Variants in CYB5D2 observed in about 807,000 individuals in gnomAD.
CYB5D2 encodes cytochrome b5 domain containing 2.
Under a neutral mutation model 22.8 loss-of-function variants are expected in CYB5D2, and 23 were observed. The ratio of observed to expected loss-of-function variants is 1.01; its 90% CI spans 0.73 to 1.43. CYB5D2 has a LOEUF of 1.43. Among genes scored for constraint, CYB5D2 ranks in the 40% most tolerant of loss-of-function variants. The pLI, the probability that CYB5D2 is intolerant of heterozygous loss-of-function variation, is 0.00. For synonymous variants in CYB5D2, 170 were observed against 152.2 expected (o/e 1.12, Z -0.86); for missense variants, 373 against 357.2 (o/e 1.04, Z -0.36).
At position 4,156,937 on chromosome 17, in the gene CYB5D2, G is replaced by T; in HGVS notation, c.650G>T (p.Cys217Phe). 1.2e-6 allele frequency: 2 copies of T among 1,612,838 alleles called. No individual in the cohort carries two copies. Among genetic ancestry groups the T allele is most frequent in the Non-Finnish European group, 1.7e-6 (2 of 1,180,020 alleles). Residue 217 changes from cysteine to phenylalanine, a missense_variant, in exon 4 of 4, where the codon TGC (cysteine) becomes TTC (phenylalanine). Physicochemically the swap from Cys to Phe is radical, Grantham distance 205 (BLOSUM62 -2). Coordinates refer to ENST00000301391, the MANE Select transcript of CYB5D2 (RefSeq NM_144611.4). ...LYKPGAKEPR[C>F]VCVRTTGPPS... ...AAGCCAGGTGCTAAGGAGCCCCGCTGCGTGTGTGTGAGAACCACCGGCCCC... is the reference window on the plus strand; with the variant it reads ...AAGCCAGGTGCTAAGGAGCCCCGCTTCGTGTGTGTGAGAACCACCGGCCCC...
At chr17:4,154,884 C>T (rs2059098049) in intron 3 of CYB5D2, 24 bp downstream of exon 3, 1 of 1,554,868 alleles carries the variant, frequency 6.4e-7, no homozygotes, top group African/African-American at 1.4e-5. Flanking sequence ...CCTTCTTCTC[C>T]TTTCTGCCTG....
At chr17:4,152,534 A>G (rs11078484) in intron 2 of CYB5D2, among the ~76,000 whole-genome samples, 13,303 of 152,256 alleles carry the variant, frequency 0.087, 813 homozygotes, top group Non-Finnish European at 0.13. Context: ...CACCATTCTC[A>G]TGACACAGAT....
At chr17:4,146,720 A>T (rs569164415) in intron 1 of CYB5D2, among the ~76,000 whole-genome samples, 1 of 151,632 alleles carries the variant, frequency 6.6e-6, no homozygotes, top group South Asian at 2.1e-4. Context: ...TATAGCCAGA[A>T]ATTTGTAAAA....
chr17:4,150,262 C>T lies in CYB5D2; in HGVS notation c.391+231C>T, dbSNP rs552210781. Among the ~76,000 whole-genome samples, 5 of 152,272 alleles carry T rather than the reference C, an allele frequency of 3.3e-5. No individual in the cohort carries two copies. In the East Asian group the frequency reaches 5.8e-4, roughly 18 times the overall value. ...AGGATTACTAAGCTGCTTGCTTTGG[C>T]CTCAGTTTCGCCATAGCCAGTGGTT... is the stretch of plus-strand genomic sequence containing the variant. On this transcript the variant is annotated intron_variant, in intron 2 of 3. Transcript: ENST00000301391.
intron 3 of CYB5D2, among the ~76,000 whole-genome samples, chr17:4,155,696 C>G (rs1448727073): frequency 6.6e-6 from 1 of 152,170 alleles, no homozygotes; most frequent in African/African-American, 2.4e-5. Flanking sequence ...TCAGAGAGCA[C>G]TGGTCTCTGA....
rs200917889 is a variant in CYB5D2 at position 4,157,002 on chromosome 17, C to T, written c.715C>T (p.Arg239Cys). Reference protein sequence around the residue: ...QMPDNPPHRNRGDLDHPNLAE... With the variant: ...QMPDNPPHRNCGDLDHPNLAE... ...GCCGGACAACCCTCCACACAGAAATCGTGGGGACCTGGACCACCCAAACTT... is the reference window on the plus strand; with the variant it reads ...GCCGGACAACCCTCCACACAGAAATTGTGGGGACCTGGACCACCCAAACTT... The change falls in exon 4 of 4, where the codon CGT (arginine) becomes TGT (cysteine). Residue 239 changes from arginine to cysteine, a missense_variant. By Grantham distance (180) the Arg-to-Cys change is radical. Coordinates refer to ENST00000301391, the MANE Select transcript of CYB5D2 (RefSeq NM_144611.4). The surrounding 1 kb of genome is among the most constrained non-coding windows in gnomAD (Gnocchi z 4.4). The T allele has an allele frequency of 7.4e-6, 12 of 1,612,858 alleles. No individual in the cohort carries two copies. The East Asian group carries it at 1.8e-4, about 24-fold the overall frequency.
chr17:4,147,249 C>T (rs562798758), intron 1 of CYB5D2, among the ~76,000 whole-genome samples: 12 of 151,922 alleles, frequency 7.9e-5, no homozygotes, highest in Non-Finnish European at 1.8e-4. Flanking sequence ...CCAGCCTGGG[C>T]GATACAGCGA....
At position 4,143,214 on chromosome 17, in the gene CYB5D2, T is replaced by G; in HGVS notation, c.-542T>G. ...CCGCTGCCGCCATCTTTGTTGGGGCTGACAACCTGCAAGCCAAGAAGTACG... is the reference window on the plus strand; with the variant it reads ...CCGCTGCCGCCATCTTTGTTGGGGCGGACAACCTGCAAGCCAAGAAGTACG... On this transcript the variant is annotated 5_prime_UTR_variant, in exon 1 of 4. Coordinates refer to ENST00000301391, the MANE Select transcript of CYB5D2 (RefSeq NM_144611.4). 1 of 286,762 alleles carries G rather than the reference T, an allele frequency of 3.5e-6. No homozygotes were observed. Among genetic ancestry groups the G allele is most frequent in the Non-Finnish European group, 6.3e-6 (1 of 159,676 alleles). The allele number at this position is 286,762 out of a possible 1,614,324, so 17.8% of individuals were successfully genotyped here. A position where few individuals can be genotyped will look rare whatever the true frequency, so the allele number is the denominator to read the frequency against.
intron 1 of CYB5D2, among the ~76,000 whole-genome samples, chr17:4,148,287 C>T (rs115614843): frequency 1.6e-3 from 231 of 143,808 alleles, no homozygotes; most frequent in African/African-American, 4.4e-3. Context: ...GAGGGCAGGG[C>T]GGGAACGTTA....
At position 4,143,626 on chromosome 17, in the gene CYB5D2, C is replaced by G. The variant is rs1419242716; in HGVS notation, c.-130C>G. ...AAACGAGAGAGACTAAGGGAGGGAG[C>G]GCGAGCACTAGCGCGCGAGAGAGAG... On this transcript the variant is annotated 5_prime_UTR_variant, in exon 1 of 4. Coordinates refer to ENST00000301391, the MANE Select transcript of CYB5D2 (RefSeq NM_144611.4). 1 of 1,320,828 alleles carries G rather than the reference C, an allele frequency of 7.6e-7. No individual in the cohort carries two copies. Among genetic ancestry groups the G allele is most frequent in the Non-Finnish European group, 1.0e-6 (1 of 965,604 alleles). The allele number at this position is 1,320,828 out of a possible 1,614,324, so 81.8% of individuals were successfully genotyped here.
At chr17:4,145,095 C>CT (rs764340352) in intron 1 of CYB5D2, among the ~76,000 whole-genome samples, 9 of 152,062 alleles carry the variant, frequency 5.9e-5, no homozygotes, top group African/African-American at 1.4e-4. Context: ...CAGCCTAGTG[C>CT]TTTTTTACAG....
chr17:4,149,396 A>T (rs1329300927), intron 1 of CYB5D2, among the ~76,000 whole-genome samples: 1 of 152,160 alleles, frequency 6.6e-6, no homozygotes, highest in Non-Finnish European at 1.5e-5. Flanking sequence ...AAAGAATATG[A>T]CCAATGCCAA....
intron 3 of CYB5D2, among the ~76,000 whole-genome samples, chr17:4,155,571 C>G (rs1430372875): frequency 6.6e-6 from 1 of 152,244 alleles, no homozygotes; most frequent in Non-Finnish European, 1.5e-5. Flanking sequence ...GAGACAGCTT[C>G]TCCAGTGTCA....
At position 4,143,567 on chromosome 17, in the gene CYB5D2, A is replaced by C; in HGVS notation, c.-189A>C. On this transcript the variant is annotated 5_prime_UTR_variant, in exon 1 of 4. Transcript: ENST00000301391. ...AAAGTACCTGGAAAAAGTCGCAGAC[A>C]GCGAGCTTTTCGCCAGTGCCAGGAA... The C allele has an allele frequency of 1.4e-6, 1 of 712,416 alleles. No homozygotes were observed. Among genetic ancestry groups the C allele is most frequent in the Non-Finnish European group, 2.2e-6 (1 of 460,848 alleles). The allele number at this position is 712,416 out of a possible 1,614,324, so 44.1% of individuals were successfully genotyped here. A position where few individuals can be genotyped will look rare whatever the true frequency, so the allele number is the denominator to read the frequency against.
rs747342124 is a variant in CYB5D2, at chr17:4,157,348, G to A, written c.*266G>A. On this transcript the variant is annotated 3_prime_UTR_variant, in exon 4 of 4. Transcript: ENST00000301391. The surrounding 1 kb of genome is among the most constrained non-coding windows in gnomAD (Gnocchi z 4.4). Reference sequence around the variant, plus strand: ...CTGGCCATCTTCCTCACAGCCCTCAGATATCAACGGGCACAAATAAGACCA... The same window carrying A: ...CTGGCCATCTTCCTCACAGCCCTCAAATATCAACGGGCACAAATAAGACCA... The A allele has an allele frequency of 1.9e-6, 1 of 533,282 alleles. No homozygotes were observed. The allele number at this position is 533,282 out of a possible 1,614,324, so 33.0% of individuals were successfully genotyped here.
chr17:4,157,428 G>T lies in CYB5D2; in HGVS notation c.*346G>T. On this transcript the variant is annotated 3_prime_UTR_variant, in exon 4 of 4. Coordinates refer to ENST00000301391, the MANE Select transcript of CYB5D2 (RefSeq NM_144611.4). This position sits in a 1 kb window ranked among gnomAD's most constrained non-coding sequence, Gnocchi z 4.4. ...AAGCCTGCTGAGTTGATTACAGCTG[G>T]GCCAATACAGTACGAGGCAATAACA... The T allele has an allele frequency of 2.7e-6, 1 of 372,946 alleles. No homozygotes were observed. Among genetic ancestry groups the T allele is most frequent in the Admixed American group, 4.2e-5 (1 of 23,586 alleles). 23.1% of individuals were successfully genotyped at this position (372,946 alleles called of 1,614,324 possible). A position where few individuals can be genotyped will look rare whatever the true frequency, so the allele number is the denominator to read the frequency against.
At position 4,147,752 on chromosome 17, in the gene CYB5D2, C is replaced by CT. The variant is rs576942357; in HGVS notation, c.251-2138dup. Among the ~76,000 whole-genome samples, 274 of 152,276 alleles carry CT rather than the reference C, an allele frequency of 1.8e-3. 4 individuals are homozygous for CT. The highest frequency in any genetic ancestry group is 6.3e-3 in the African/African-American group (261 of 41,560). ...CCTGTAATCCCAGCTACTCAGGAGA[C>CT]TGAGGCAGGAGAATTGCTTGAACCT... is the stretch of plus-strand genomic sequence containing the variant. On this transcript the variant is annotated intron_variant, in intron 1 of 3. Coordinates refer to ENST00000301391, the MANE Select transcript of CYB5D2 (RefSeq NM_144611.4).
At position 4,143,930 on chromosome 17, in the gene CYB5D2, T is replaced by A. The variant is rs1196626202; in HGVS notation, c.175T>A (p.Leu59Met). 1.2e-6 allele frequency: 2 copies of A among 1,613,578 alleles called. No homozygotes were observed. The highest frequency in any genetic ancestry group is 2.7e-5 in the African/African-American group (2 of 74,934). Residue 59 changes from leucine (L) to methionine (M), a missense_variant, in exon 1 of 4, where the codon TTG (leucine) becomes ATG (methionine). Transcript: ENST00000301391. ...AGGGGACCCGGGCCTGTACTTGGCG[T>A]TGCTCGGCCGTGTCTACGATGTGTC... ...GPGDPGLYLALLGRVYDVSSG... is the reference protein window; with the variant it reads ...GPGDPGLYLAMLGRVYDVSSG...
Position 4,143,628 on chromosome 17 carries a change from C to T in CYB5D2, c.-128C>T. On this transcript the variant is annotated 5_prime_UTR_variant, in exon 1 of 4. Coordinates refer to ENST00000301391, the MANE Select transcript of CYB5D2 (RefSeq NM_144611.4). ...ACGAGAGAGACTAAGGGAGGGAGCG[C>T]GAGCACTAGCGCGCGAGAGAGAGAG... 7.4e-7 allele frequency: 1 copy of T among 1,344,872 alleles called. No homozygotes were observed. The allele number at this position is 1,344,872 out of a possible 1,614,324, so 83.3% of individuals were successfully genotyped here. A position where few individuals can be genotyped will look rare whatever the true frequency, so the allele number is the denominator to read the frequency against.
Sources: gnomAD v4.1 joint callset for allele counts (sites outside exome capture counted in the v4.1 genomes callset) on GRCh38, gnomAD v4.1.1 for gene constraint, Gnocchi (gnomAD v3.1) non-coding constraint, MANE v1.5 for transcripts, NCBI Gene and HGNC (gene_info 2026-07-23, HGNC 2026-07-21) for gene names.